Variants in KCNMA1 observed in about 807,000 individuals in gnomAD.
KCNMA1 encodes potassium calcium-activated channel subfamily M alpha 1.
A neutral mutation model predicts 140.0 loss-of-function variants in KCNMA1; 29 were observed. The ratio of observed to expected loss-of-function variants is 0.21; its 90% CI spans 0.15 to 0.28. The LOEUF is 0.28. KCNMA1 is among the 10% of genes least tolerant of loss of function. The pLI, the probability that KCNMA1 is intolerant of heterozygous loss-of-function variation, is 1.00. For synonymous variants in KCNMA1, 612 were observed against 611.9 expected, an observed-to-expected ratio of 1.00 and a Z score of 0.00; for missense variants, 880 against 1,602.2, an observed-to-expected ratio of 0.55 and a Z score of 7.70.
At chr10:77,513,222 C>T (rs1293008965) in intron 1 of KCNMA1, among the ~76,000 whole-genome samples, 2 of 151,614 alleles carry the variant, frequency 1.3e-5, no homozygotes, top group East Asian at 2.0e-4. Context: ...TGCCACCAGG[C>T]CTTTGCACTA....
At chr10:77,216,991 A>G (rs2047978359) in intron 3 of KCNMA1, among the ~76,000 whole-genome samples, 1 of 152,126 alleles carries the variant, frequency 6.6e-6, no homozygotes, top group Non-Finnish European at 1.5e-5. Context: ...AGATGCAGAA[A>G]CCTTGTGAGC....
rs1023907039 is a variant in KCNMA1 at position 77,090,849 on chromosome 10, G to A, written c.1224-339C>T. The A allele has an allele frequency of 1.1e-5, 4 of 361,444 alleles. No homozygotes were observed. The Admixed American group carries it at 1.6e-4, about 14-fold the overall frequency. The allele number at this position is 361,444 out of a possible 1,614,324, so 22.4% of individuals were successfully genotyped here. A position where few individuals can be genotyped will look rare whatever the true frequency, so the allele number is the denominator to read the frequency against. On this transcript the variant is annotated intron_variant, in intron 9 of 27. Transcript: ENST00000286628. Reference sequence around the variant, plus strand: ...ATGCTGCATTATCAAGTCCCTTGCAGATTCATATCTCTCCCTTTCTGCCCA... The same window carrying A: ...ATGCTGCATTATCAAGTCCCTTGCAAATTCATATCTCTCCCTTTCTGCCCA...
Position 77,200,485 on chromosome 10 carries a change from G to T in KCNMA1, c.603-15569C>A, listed in dbSNP as rs1367283571. On this transcript the variant is annotated intron_variant, in intron 3 of 27. Transcript: ENST00000286628. ...GGGAAATACCCCTTCTTCAGGGCCT[G>T]CTGCTGTCAGAGTTCTTTAGGAAGA... is the stretch of plus-strand genomic sequence containing the variant. Among the ~76,000 whole-genome samples, 5 of 152,254 alleles carry T rather than the reference G, an allele frequency of 3.3e-5. 1 individual carries two copies. The Middle Eastern group carries it at 0.014, about 417-fold the overall frequency.
chr10:77,602,610 A>G (rs898092225), intron 1 of KCNMA1, among the ~76,000 whole-genome samples: 1 of 152,170 alleles, frequency 6.6e-6, no homozygotes, highest in Non-Finnish European at 1.5e-5. Context: ...ATATGGAGGT[A>G]GCACACTAGG....
At chr10:77,507,383 G>A (rs939353621) in intron 1 of KCNMA1, among the ~76,000 whole-genome samples, 6 of 152,296 alleles carry the variant, frequency 3.9e-5, no homozygotes, top group Non-Finnish European at 5.9e-5. Flanking sequence ...CCTGAGGACC[G>A]AATCAGGAAG....
At chr10:76,951,519 C>T (rs961326786) in intron 21 of KCNMA1, among the ~76,000 whole-genome samples, 1 of 152,166 alleles carries the variant, frequency 6.6e-6, no homozygotes, top group African/African-American at 2.4e-5. Flanking sequence ...TCATGGGTTA[C>T]ATTTTATATC....
At chr10:77,227,573 C>T (rs930361921) in intron 3 of KCNMA1, among the ~76,000 whole-genome samples, 2 of 152,182 alleles carry the variant, frequency 1.3e-5, no homozygotes, top group African/African-American at 2.4e-5. Context: ...AGGTTTAGCA[C>T]ATATGATGCT....
chr10:77,182,732 G>T (rs1014971609), intron 5 of KCNMA1, among the ~76,000 whole-genome samples: 8 of 152,158 alleles, frequency 5.3e-5, no homozygotes, highest in Non-Finnish European at 7.3e-5. Flanking sequence ...TCTGAATTCA[G>T]GGAAAAAATG....
At chr10:77,072,103 T>G (rs1277115738) in intron 14 of KCNMA1, among the ~76,000 whole-genome samples, 1 of 152,222 alleles carries the variant, frequency 6.6e-6, no homozygotes, top group Admixed American at 6.5e-5. Flanking sequence ...TTTATGGACC[T>G]CGTGCTGACT....
At chr10:77,209,185 TG>T (rs2154170824) in intron 3 of KCNMA1, among the ~76,000 whole-genome samples, 1 of 152,248 alleles carries the variant, frequency 6.6e-6, no homozygotes, top group East Asian at 1.9e-4. Context: ...GAGCTATCAC[TG>T]TTCTTTTCTT....
chr10:77,574,255 C>T (rs963503413), intron 1 of KCNMA1, among the ~76,000 whole-genome samples: 11 of 147,462 alleles, frequency 7.5e-5, no homozygotes, highest in East Asian at 2.7e-4. Flanking sequence ...AATATCTATG[C>T]GTGTGTATAT....
chr10:77,470,992 A>G (rs1024799390), intron 1 of KCNMA1, among the ~76,000 whole-genome samples: 3 of 152,056 alleles, frequency 2.0e-5, no homozygotes, highest in African/African-American at 7.3e-5. Flanking sequence ...GACGCACACC[A>G]TACACACACC....
chr10:76,903,572 C>G (rs1405837323), intron 25 of KCNMA1: 3 of 152,286 alleles, frequency 2.0e-5, no homozygotes, highest in Non-Finnish European at 2.9e-5. Context: ...CCACTGCTAG[C>G]TCCTCTGCCT....
At chr10:77,032,309 C>T (rs1240805161) in intron 15 of KCNMA1, among the ~76,000 whole-genome samples, 1 of 152,128 alleles carries the variant, frequency 6.6e-6, no homozygotes, top group African/African-American at 2.4e-5. Context: ...TGAGCATTAG[C>T]CATCTAATCC....
chr10:77,602,907 G>A (rs1242930117), intron 1 of KCNMA1, among the ~76,000 whole-genome samples: 4 of 152,196 alleles, frequency 2.6e-5, no homozygotes, highest in African/African-American at 7.2e-5. Flanking sequence ...GTGCTTATTT[G>A]ACAAGCACAA....
At chr10:77,636,442 A>G in intron 1 of KCNMA1, 1 of 1,536,168 alleles carries the variant, frequency 6.5e-7, no homozygotes, top group Non-Finnish European at 8.7e-7. Context: ...TCCGCGTAAA[A>G]CCGCGGCCTC....
chr10:77,469,136 C>G (rs139239623), intron 1 of KCNMA1, among the ~76,000 whole-genome samples: 2 of 152,108 alleles, frequency 1.3e-5, no homozygotes, highest in Non-Finnish European at 2.9e-5. Context: ...TTGTAGGACC[C>G]GCCTGCCCAT....
intron 3 of KCNMA1, among the ~76,000 whole-genome samples, chr10:77,228,409 G>A (rs1405845288): frequency 1.3e-5 from 2 of 152,146 alleles, no homozygotes; most frequent in East Asian, 1.9e-4. Flanking sequence ...TTTTCAGGGT[G>A]AGCACTCACT....
At chr10:77,218,721 C>T (rs968588554) in intron 3 of KCNMA1, among the ~76,000 whole-genome samples, 1 of 151,820 alleles carries the variant, frequency 6.6e-6, no homozygotes, top group Non-Finnish European at 1.5e-5. Flanking sequence ...GAGTCTCACT[C>T]CATCGACCAG....
Sources: allele counts gnomAD v4.1 joint callset (sites outside exome capture counted in the v4.1 genomes callset), GRCh38; gene constraint gnomAD v4.1.1; transcripts MANE v1.5; gene names NCBI Gene and HGNC (gene_info 2026-07-23, HGNC 2026-07-21).